Variants in PDSS2 observed in about 807,000 individuals in gnomAD.
PDSS2 encodes all trans-polyprenyl-diphosphate synthase PDSS2.
In PDSS2, 31 loss-of-function variants were observed where a neutral mutation model predicts 44.5. That is an observed-to-expected ratio of 0.70 (90% CI 0.52 to 0.94). PDSS2 has a LOEUF of 0.94. PDSS2 is among the 40% of genes least tolerant of loss of function. The pLI is 0.00. For synonymous variants in PDSS2, 157 were observed against 180.3 expected, an observed-to-expected ratio of 0.87 and a Z score of 1.03; for missense variants, 452 against 482.2, an observed-to-expected ratio of 0.94 and a Z score of 0.59.
chr6:107,332,155 A>C (rs1044849622), intron 2 of PDSS2, among the ~76,000 whole-genome samples: 4 of 151,326 alleles, frequency 2.6e-5, no homozygotes, highest in Non-Finnish European at 5.9e-5. Context: ...CCCAGGTTGG[A>C]ATGCAATGGC....
At chr6:107,458,527 T>C (rs1380697352) in intron 1 of PDSS2, among the ~76,000 whole-genome samples, 1 of 151,492 alleles carries the variant, frequency 6.6e-6, no homozygotes, top group African/African-American at 2.4e-5. Flanking sequence ...GATAAATTCC[T>C]ACTTCAACCC....
chr6:107,355,488 T>G (rs1163950389), intron 1 of PDSS2, among the ~76,000 whole-genome samples: 1 of 152,228 alleles, frequency 6.6e-6, no homozygotes, highest in African/African-American at 2.4e-5. Flanking sequence ...TACTGTCAAT[T>G]CTGGCCTACC....
At chr6:107,408,950 G>C (rs190654686) in intron 1 of PDSS2, among the ~76,000 whole-genome samples, 18 of 152,284 alleles carry the variant, frequency 1.2e-4, no homozygotes, top group Admixed American at 3.9e-4. Flanking sequence ...AATTCCCTGA[G>C]AGCAAGGCAG....
In PDSS2 at chr6:107,179,356, C is replaced by T. The variant is rs191788194; in HGVS notation, c.1041+14466G>A. On this transcript the variant is annotated intron_variant, in intron 7 of 7. Transcript: ENST00000369037. ...AGTGCAGTGGTGTGATCTCAGCTCA[C>T]TGCTGCCTCTGCCTCCCGGGTTCAA... Among the ~76,000 whole-genome samples the T allele has an allele frequency of 3.0e-3, 456 of 152,108 alleles. 1 individual carries two copies. Among genetic ancestry groups the T allele is most frequent in the African/African-American group, 0.011 (446 of 41,480 alleles).
chr6:107,393,888 G>A (rs532381253), intron 1 of PDSS2, among the ~76,000 whole-genome samples: 1 of 152,234 alleles, frequency 6.6e-6, no homozygotes, highest in South Asian at 2.1e-4. Flanking sequence ...GATTAATACA[G>A]CTATTTCAGC....
chr6:107,400,851 A>G (rs762860410), intron 1 of PDSS2, among the ~76,000 whole-genome samples: 1 of 152,136 alleles, frequency 6.6e-6, no homozygotes, highest in Non-Finnish European at 1.5e-5. Context: ...CCCTGCCCCA[A>G]CTGCCTTAGA....
intron 3 of PDSS2, among the ~76,000 whole-genome samples, chr6:107,256,137 C>T (rs771300935): frequency 2.0e-4 from 31 of 152,118 alleles, no homozygotes; most frequent in Non-Finnish European, 2.8e-4. Context: ...GCTACAGGTG[C>T]ATGCCACCAT....
chr6:107,258,270 C>T (rs1304346927), intron 3 of PDSS2, among the ~76,000 whole-genome samples: 1 of 151,990 alleles, frequency 6.6e-6, no homozygotes, highest in Non-Finnish European at 1.5e-5. Flanking sequence ...TGTTACTTTC[C>T]TGACTTTATT....
At chr6:107,287,747 C>A (rs1315554954) in intron 2 of PDSS2, among the ~76,000 whole-genome samples, 1 of 152,146 alleles carries the variant, frequency 6.6e-6, no homozygotes, top group African/African-American at 2.4e-5. Context: ...GTCTTGAACT[C>A]CTGACCTCAG....
Position 107,212,275 on chromosome 6 carries a change from T to C in PDSS2, c.710A>G (p.Tyr237Cys). 2 of 1,610,964 alleles carry C rather than the reference T, an allele frequency of 1.2e-6. No homozygotes were observed. The highest frequency in any genetic ancestry group is 1.7e-6 in the Non-Finnish European group (2 of 1,178,230). ...CGATATTCCAATATCATCTGTGATA[T>C]AACTTTCCTAAAAATGTAACAAAAG... ...YHENSTSKES[Y>C]ITDDIGISTW... The change falls in exon 5 of 8, where the codon TAT becomes TGT. Residue 237 changes from tyrosine (Y) to cysteine (C), a missense_variant. Transcript: ENST00000369037.
chr6:107,411,734 C>G (rs1253348475), intron 1 of PDSS2, among the ~76,000 whole-genome samples: 1 of 151,960 alleles, frequency 6.6e-6, no homozygotes, highest in East Asian at 1.9e-4. Flanking sequence ...TTCAAGTACA[C>G]AGGAGGATGT....
chr6:107,158,988 C>T (rs1249669996), intron 7 of PDSS2, among the ~76,000 whole-genome samples: 10 of 152,100 alleles, frequency 6.6e-5, no homozygotes, highest in African/African-American at 2.4e-4. Flanking sequence ...CTTAGCCTCC[C>T]AAAGTGCTGA....
chr6:107,214,971 A>G (rs1006301809), intron 4 of PDSS2, among the ~76,000 whole-genome samples: 5 of 152,196 alleles, frequency 3.3e-5, no homozygotes, highest in Admixed American at 6.5e-5. Flanking sequence ...ACTTATGGCA[A>G]TGGTTGCAAA....
At chr6:107,442,309 C>A (rs531020942) in intron 1 of PDSS2, among the ~76,000 whole-genome samples, 1 of 151,988 alleles carries the variant, frequency 6.6e-6, no homozygotes, top group East Asian at 1.9e-4. Context: ...CCCAGCTACT[C>A]GGGAGGCTGA....
intron 2 of PDSS2, among the ~76,000 whole-genome samples, chr6:107,310,563 T>C (rs1434057088): frequency 2.6e-5 from 4 of 152,154 alleles, no homozygotes; most frequent in African/African-American, 7.2e-5. Context: ...CCATTCAGCG[T>C]CCAAAGAGAA....
chr6:107,373,744 T>G (rs150751182), intron 1 of PDSS2, among the ~76,000 whole-genome samples: 53 of 152,296 alleles, frequency 3.5e-4, no homozygotes, highest in African/African-American at 1.2e-3. Flanking sequence ...CCAGAGCCCA[T>G]AGTTTAAAGC....
At chr6:107,260,961 C>T (rs117088982) in intron 3 of PDSS2, among the ~76,000 whole-genome samples, 2,065 of 152,182 alleles carry the variant, frequency 0.014, 25 homozygotes, top group Non-Finnish European at 0.022. Flanking sequence ...CGCGCCTGGC[C>T]CCCCCTCCAT....
rs1047203707 is a variant in PDSS2, at chr6:107,237,943, A to G, written c.702+7605T>C. On this transcript the variant is annotated intron_variant, in intron 4 of 7. Coordinates refer to ENST00000369037, the MANE Select transcript of PDSS2 (RefSeq NM_020381.4). ...AAAGAAAATAAATGGACAGAAGGAC[A>G]GAAGTTATCTTGCCCCACAAAAACA... 3.3e-5 allele frequency among the ~76,000 whole-genome samples: 5 copies of G among 152,094 alleles called. No homozygotes were observed. In the South Asian group the frequency reaches 6.2e-4, roughly 19 times the overall value.
At chr6:107,413,411 CT>C (rs1780564129) in intron 1 of PDSS2, among the ~76,000 whole-genome samples, 1 of 152,180 alleles carries the variant, frequency 6.6e-6, no homozygotes, top group Admixed American at 6.5e-5. Flanking sequence ...TGGTACATGC[CT>C]GTAGTCCCAG....
Sources: allele counts gnomAD v4.1 joint callset (sites outside exome capture counted in the v4.1 genomes callset), GRCh38; gene constraint gnomAD v4.1.1; transcripts MANE v1.5; gene names NCBI Gene and HGNC (gene_info 2026-07-23, HGNC 2026-07-21).